Variants in CIROZ observed in about 807,000 individuals in gnomAD.
CIROZ encodes the protein ciliated left-right organizer protein containing ZP-N domains, also known as ciliated left-right organizer ZP-N domains-containing protein.
the CIROZ span, among the ~76,000 whole-genome samples, chr1:10,973,329 T>C: frequency 3.3e-5 from 5 of 152,250 alleles, no homozygotes; most frequent in Admixed American, 6.5e-5. Flanking sequence ...GCAGAGATCA[T>C]ACCACTGCAC....
At chr1:10,971,407 C>T in the CIROZ span, among the ~76,000 whole-genome samples, 2,909 of 152,046 alleles carry the variant, frequency 0.019, 51 homozygotes, top group Non-Finnish European at 0.033. Flanking sequence ...TGGCTCCCCA[C>T]TACCCTTGGA....
chr1:10,977,420 T>C, the CIROZ span, among the ~76,000 whole-genome samples: 1 of 151,846 alleles, frequency 6.6e-6, no homozygotes, highest in Non-Finnish European at 1.5e-5. Flanking sequence ...TAGGCGGAGA[T>C]TGCAGTGAGA....
At chr1:10,965,234 G>A in the CIROZ span, among the ~76,000 whole-genome samples, 471 of 152,134 alleles carry the variant, frequency 3.1e-3, 2 homozygotes, top group Middle Eastern at 6.8e-3. Flanking sequence ...GAAAGAGGAG[G>A]AGCAGGGTAG....
chr1:10,953,902 G>T, the CIROZ span: 1 of 1,412,914 alleles, frequency 7.1e-7, no homozygotes, highest in African/African-American at 1.5e-5. Flanking sequence ...TGTGGGATCT[G>T]TCGGGTCCAG....
chr1:10,949,659 C>T, the CIROZ span: 1 of 1,607,170 alleles, frequency 6.2e-7, no homozygotes, highest in Non-Finnish European at 8.5e-7. Flanking sequence ...TGCAGGAGGT[C>T]CCGAGAAAGC....
At chr1:10,959,007 C>T in the CIROZ span, among the ~76,000 whole-genome samples, 23 of 152,352 alleles carry the variant, frequency 1.5e-4, no homozygotes, top group Non-Finnish European at 2.5e-4. The surrounding 1 kb of genome is among the most constrained non-coding windows in gnomAD (Gnocchi z 4.3). Context: ...GGGTCCTGGG[C>T]GCAGCTGGTG....
chr1:10,948,965 C>T, the CIROZ span: 1 of 979,400 alleles, frequency 1.0e-6, no homozygotes, highest in African/African-American at 1.6e-5. Flanking sequence ...TGGCTCACGA[C>T]TGTAATCCCA....
the CIROZ span, chr1:10,976,168 C>T: frequency 6.5e-7 from 1 of 1,536,928 alleles, no homozygotes; most frequent in Non-Finnish European, 8.7e-7. Context: ...GTTAAAACTT[C>T]TGCTGCAGAG....
chr1:10,957,473 A>G, the CIROZ span: 4 of 1,307,148 alleles, frequency 3.1e-6, no homozygotes, highest in Non-Finnish European at 4.1e-6. Flanking sequence ...ATGGGGCCCA[A>G]TTTTCGAAGG....
chr1:10,981,126 A>T, the CIROZ span, among the ~76,000 whole-genome samples: 4 of 152,210 alleles, frequency 2.6e-5, no homozygotes, highest in Non-Finnish European at 5.9e-5. Context: ...TCAGATGGGG[A>T]AAAGAGGTAG....
the CIROZ span, chr1:10,953,998 C>A: frequency 6.2e-7 from 1 of 1,602,490 alleles, no homozygotes; most frequent in Non-Finnish European, 8.5e-7. Flanking sequence ...AGCAGTCACA[C>A]CCTCATGGTG....
chr1:10,952,632 C>G, the CIROZ span, among the ~76,000 whole-genome samples: 6 of 152,152 alleles, frequency 3.9e-5, no homozygotes, highest in African/African-American at 1.4e-4. Context: ...CAGGTGCAAG[C>G]GATTCTCCTG....
chr1:10,958,129 A>G, the CIROZ span, among the ~76,000 whole-genome samples: 1 of 152,172 alleles, frequency 6.6e-6, no homozygotes, highest in East Asian at 1.9e-4. Flanking sequence ...CATGGGAATC[A>G]GGGTCTTGAA....
the CIROZ span, chr1:10,964,322 T>A: frequency 6.5e-7 from 1 of 1,546,270 alleles, no homozygotes; most frequent in Non-Finnish European, 8.7e-7. Flanking sequence ...AAAATACAGT[T>A]AATAGCCTGC....
chr1:10,975,659 G>A, the CIROZ span, among the ~76,000 whole-genome samples: 2 of 151,838 alleles, frequency 1.3e-5, no homozygotes, highest in Non-Finnish European at 2.9e-5. Context: ...CAAGCCCAGA[G>A]TAAGCGCTCA....
At chr1:10,963,935 C>T in the CIROZ span, among the ~76,000 whole-genome samples, 3 of 152,092 alleles carry the variant, frequency 2.0e-5, no homozygotes, top group African/African-American at 7.2e-5. Flanking sequence ...TGCTCAGAAC[C>T]CAACCCAGCA....
chr1:10,973,642 G>T, the CIROZ span, among the ~76,000 whole-genome samples: 2 of 152,242 alleles, frequency 1.3e-5, no homozygotes, highest in African/African-American at 4.8e-5. Context: ...TGTGGCTGGG[G>T]TCGAACACTC....
At chr1:10,963,982 A>G in the CIROZ span, 1 of 1,012,184 alleles carries the variant, frequency 9.9e-7, no homozygotes, top group Non-Finnish European at 1.4e-6. Flanking sequence ...CTAGGAGAAC[A>G]ATGCCATACT....
the CIROZ span, among the ~76,000 whole-genome samples, chr1:10,959,524 G>C: frequency 6.6e-6 from 1 of 152,190 alleles, no homozygotes; most frequent in African/African-American, 2.4e-5. This position sits in a 1 kb window ranked among gnomAD's most constrained non-coding sequence, Gnocchi z 4.3. Flanking sequence ...CTTTGCGTCA[G>C]ACTTGGCCAG....
Sources: gnomAD v4.1 joint callset for allele counts (sites outside exome capture counted in the v4.1 genomes callset) on GRCh38, gnomAD v4.1.1 for gene constraint, Gnocchi (gnomAD v3.1) non-coding constraint, MANE v1.5 for transcripts, NCBI Gene and HGNC (gene_info 2026-07-23, HGNC 2026-07-21) for gene names.